WWC1: variants seen among roughly 807,000 people sequenced by gnomAD.
WWC1 encodes the protein WW and C2 domain containing 1.
WWC1 carries 55 observed loss-of-function variants against 138.4 expected under a neutral mutation model. The observed-to-expected ratio is 0.40, with a 90% CI of 0.32 to 0.50. WWC1 has a LOEUF of 0.50. Among genes scored for constraint, WWC1 ranks in the 20% least tolerant of loss-of-function variants. WWC1 has a pLI of 0.72. For synonymous variants in WWC1, 524 were observed against 564.9 expected (o/e 0.93, Z 1.03); for missense variants, 1,226 against 1,420.4 (o/e 0.86, Z 2.20).
intron 1 of WWC1, among the ~76,000 whole-genome samples, chr5:168,342,156 A>G (rs899658515): frequency 2.0e-5 from 3 of 152,176 alleles, no homozygotes; most frequent in African/African-American, 7.2e-5. Flanking sequence ...GACTTACTGA[A>G]AGACTTTCAG....
intron 17 of WWC1, among the ~76,000 whole-genome samples, chr5:168,450,225 A>G (rs1755675918): frequency 6.6e-6 from 1 of 152,184 alleles, no homozygotes; most frequent in African/African-American, 2.4e-5. Context: ...AATGCAGCCT[A>G]TTTGTCACAC....
chr5:168,340,934 A>T (rs1403934253), intron 1 of WWC1, among the ~76,000 whole-genome samples: 1 of 152,160 alleles, frequency 6.6e-6, no homozygotes, highest in East Asian at 1.9e-4. Flanking sequence ...CACACAGCAA[A>T]TAAGTAACAG....
chr5:168,297,639 A>G (rs933303784), intron 1 of WWC1, among the ~76,000 whole-genome samples: 7 of 151,818 alleles, frequency 4.6e-5, no homozygotes, highest in Non-Finnish European at 8.8e-5. Context: ...AAAAAAAAAA[A>G]AAAAAAAAGA....
In WWC1 at chr5:168,372,091, G is replaced by C. The variant is rs564834428; in HGVS notation, c.229+558G>C. Among the ~76,000 whole-genome samples the C allele has an allele frequency of 2.8e-5, 4 of 145,100 alleles. No individual in the cohort carries two copies. The East Asian group carries it at 6.4e-4, about 23-fold the overall frequency. ...TGTGTGTGTGTGTGTGTGTGTGTGT[G>C]TGTCTGGCCCATCATACCAGTCAGC... On this transcript the variant is annotated intron_variant, in intron 2 of 22. Coordinates refer to ENST00000265293, the MANE Select transcript of WWC1 (RefSeq NM_015238.3).
chr5:168,351,691 T>C (rs1331613232), intron 1 of WWC1, among the ~76,000 whole-genome samples: 1 of 152,102 alleles, frequency 6.6e-6, no homozygotes, highest in Non-Finnish European at 1.5e-5. Context: ...AGAAAGGGAT[T>C]GGGCAGCCCA....
At position 168,470,596 on chromosome 5, in the gene WWC1, AG is replaced by A. The variant is rs935565464; in HGVS notation, c.*1581del. ...ATGCTTGTAATCCCAGCACTTTGGG[AG>A]GCTGAGGCGGGCAGATCAACTGAGA... On this transcript the variant is annotated 3_prime_UTR_variant, in exon 23 of 23. Transcript: ENST00000265293. 3 of 151,334 alleles carry A rather than the reference AG, an allele frequency of 2.0e-5. No individual in the cohort carries two copies. The highest frequency in any genetic ancestry group is 7.3e-5 in the African/African-American group (3 of 41,124). The allele number at this position is 151,334 out of a possible 1,614,324, so 9.4% of individuals were successfully genotyped here.
intron 4 of WWC1, 50 bp from the exon 5 acceptor site, chr5:168,399,438 C>T (rs761044250): frequency 1.1e-5 from 18 of 1,605,156 alleles, no homozygotes; most frequent in Admixed American, 1.7e-5. Flanking sequence ...CAGCCTGCAC[C>T]TTGGTGTCAG....
At chr5:168,436,762 T>C (rs1272184317) in intron 15 of WWC1, among the ~76,000 whole-genome samples, 1 of 152,082 alleles carries the variant, frequency 6.6e-6, no homozygotes, top group Non-Finnish European at 1.5e-5. Flanking sequence ...TAGATTCCAC[T>C]TCTCACCACT....
At chr5:168,306,982 C>A (rs1239319781) in intron 1 of WWC1, among the ~76,000 whole-genome samples, 1 of 152,158 alleles carries the variant, frequency 6.6e-6, no homozygotes, top group Non-Finnish European at 1.5e-5. Context: ...TGCACATAAT[C>A]TACATCTTCG....
intron 15 of WWC1, among the ~76,000 whole-genome samples, chr5:168,434,458 A>G (rs902864557): frequency 2.0e-5 from 3 of 152,198 alleles, no homozygotes; most frequent in African/African-American, 4.8e-5. Flanking sequence ...CAGCATCTGT[A>G]CTGAGTTGAG....
At chr5:168,446,152 A>G (rs1755239631) in intron 17 of WWC1, among the ~76,000 whole-genome samples, 1 of 150,862 alleles carries the variant, frequency 6.6e-6, no homozygotes, top group Non-Finnish European at 1.5e-5. Context: ...TGGAAAACAC[A>G]GTGTAATGAA....
At chr5:168,386,126 CTT>C (rs1315825046) in intron 3 of WWC1, among the ~76,000 whole-genome samples, 1 of 152,134 alleles carries the variant, frequency 6.6e-6, no homozygotes, top group African/African-American at 2.4e-5. Flanking sequence ...CCTTCTCAGT[CTT>C]CCAGTCTCAT....
At chr5:168,391,904 A>G (rs1318382553) in intron 3 of WWC1, among the ~76,000 whole-genome samples, 1 of 151,694 alleles carries the variant, frequency 6.6e-6, no homozygotes. Context: ...AAATGGGCTG[A>G]TAGTGAGGAA....
At chr5:168,372,614 C>T (rs1234038875) in intron 2 of WWC1, among the ~76,000 whole-genome samples, 1 of 152,160 alleles carries the variant, frequency 6.6e-6, no homozygotes, top group Non-Finnish European at 1.5e-5. Context: ...AGATGATCAT[C>T]CCCATGTCAT....
At chr5:168,404,204 A>C (rs981421490) in intron 5 of WWC1, among the ~76,000 whole-genome samples, 3 of 152,204 alleles carry the variant, frequency 2.0e-5, no homozygotes, top group Non-Finnish European at 2.9e-5. Flanking sequence ...CAGAGTCCCC[A>C]GCCCTCAGAT....
intron 11 of WWC1, among the ~76,000 whole-genome samples, chr5:168,427,610 C>T (rs1209470892): frequency 7.1e-6 from 1 of 140,256 alleles, no homozygotes; most frequent in Non-Finnish European, 1.5e-5. Flanking sequence ...TTGGTGGAAC[C>T]GTCTGTCTTC....
chr5:168,310,625 A>G (rs1278597100), intron 1 of WWC1, among the ~76,000 whole-genome samples: 1 of 152,074 alleles, frequency 6.6e-6, no homozygotes, highest in East Asian at 1.9e-4. Flanking sequence ...GCTTGAGCCC[A>G]GGGGTTCAAG....
intron 1 of WWC1, among the ~76,000 whole-genome samples, chr5:168,346,380 G>GC (rs1271557957): frequency 1.3e-5 from 2 of 152,170 alleles, no homozygotes; most frequent in African/African-American, 4.8e-5. Flanking sequence ...AACAGCAGCT[G>GC]CAGATGTATT....
At chr5:168,323,206 TA>T (rs956999630) in intron 1 of WWC1, among the ~76,000 whole-genome samples, 2 of 151,138 alleles carry the variant, frequency 1.3e-5, no homozygotes, top group African/African-American at 2.4e-5. Flanking sequence ...TCAGATGCTG[TA>T]AAAAAAAATA....
Sources: gnomAD v4.1 joint callset for allele counts (sites outside exome capture counted in the v4.1 genomes callset) on GRCh38, gnomAD v4.1.1 for gene constraint, MANE v1.5 for transcripts, NCBI Gene and HGNC (gene_info 2026-07-23, HGNC 2026-07-21) for gene names.